The following ZMYND8 variants were observed in gnomAD, a reference collection of about 807,000 sequenced individuals.
ZMYND8 encodes the protein zinc finger MYND-type containing 8.
ZMYND8 carries 37 observed loss-of-function variants against 140.8 expected under a neutral mutation model. The observed-to-expected ratio is 0.26, with a 90% confidence interval of 0.20 to 0.35. The LOEUF (loss-of-function observed/expected upper bound fraction) is 0.35. ZMYND8 is among the 10% of genes least tolerant of loss of function. The pLI is 1.00. For missense variants in ZMYND8, 1,068 were observed against 1,570.0 expected, an observed-to-expected ratio of 0.68 and a Z score of 5.40; for synonymous variants, 592 against 597.1, an observed-to-expected ratio of 0.99 and a Z score of 0.12.
intron 3 of ZMYND8, among the ~76,000 whole-genome samples, chr20:47,306,706 G>A (rs1483595403): frequency 6.6e-6 from 1 of 151,934 alleles, no homozygotes; most frequent in African/African-American, 2.4e-5. Context: ...AAGTAGCTGG[G>A]ATTACAGTCC....
chr20:47,282,771 T>G (rs902627853), intron 9 of ZMYND8, among the ~76,000 whole-genome samples: 7 of 151,508 alleles, frequency 4.6e-5, no homozygotes, highest in African/African-American at 1.7e-4. Flanking sequence ...CAGGGTTGGA[T>G]TCTAGCTGTA....
At chr20:47,338,003 T>C (rs920525104) in intron 2 of ZMYND8, among the ~76,000 whole-genome samples, 12 of 151,928 alleles carry the variant, frequency 7.9e-5, no homozygotes, top group Non-Finnish European at 1.8e-4. Context: ...GCACCAATTA[T>C]TGTCAGAGTT....
At chr20:47,318,536 G>T (rs2079602164) in intron 2 of ZMYND8, 1 of 361,648 alleles carries the variant, frequency 2.8e-6, no homozygotes, top group African/African-American at 2.1e-5. Context: ...AAAGGTTGGG[G>T]GTGGGGAGGA....
intron 2 of ZMYND8, among the ~76,000 whole-genome samples, chr20:47,315,833 C>T (rs1056418570): frequency 2.6e-5 from 4 of 152,168 alleles, no homozygotes; most frequent in African/African-American, 9.7e-5. Flanking sequence ...GGCTCACTCA[C>T]AACCCTCTGC....
chr20:47,261,081 C>T (rs927525505), intron 12 of ZMYND8, among the ~76,000 whole-genome samples: 13 of 152,130 alleles, frequency 8.5e-5, no homozygotes, highest in Middle Eastern at 3.4e-3. Context: ...ATTAGCCAGG[C>T]GTGGTGGTGC....
Position 47,262,314 on chromosome 20 carries a change from G to C in ZMYND8, c.1595C>G (p.Thr532Ser). The C allele has an allele frequency of 6.2e-7, 1 of 1,614,110 alleles. No individual in the cohort carries two copies. ...CAGGTTAAGATTCAGGATGCTGCCG[G>C]TGGTGGAGGTTTTGTCCGTTTTCGT... The part of the protein sequence containing the change: ...ITTKTDKTST[T>S]GSILNLNLDR... The change falls in exon 12 of 23, where the codon ACC becomes AGC. Residue 532 changes from threonine to serine, a missense_variant. Physicochemically the swap from Thr to Ser is moderately conservative, Grantham distance 58. Transcript: ENST00000471951.
intron 19 of ZMYND8, among the ~76,000 whole-genome samples, chr20:47,223,068 C>A (rs1038650341): frequency 2.0e-5 from 3 of 152,236 alleles, no homozygotes; most frequent in Admixed American, 6.5e-5. Context: ...CATTTACATA[C>A]CACCTTTGCA....
At chr20:47,218,021 C>A (rs542299379) in intron 21 of ZMYND8, among the ~76,000 whole-genome samples, 3 of 152,276 alleles carry the variant, frequency 2.0e-5, no homozygotes, top group South Asian at 4.1e-4. Flanking sequence ...ACAAGGCACA[C>A]GTTTGTTTAC....
At chr20:47,258,712 C>A (rs1240130876) in intron 12 of ZMYND8, among the ~76,000 whole-genome samples, 1 of 152,108 alleles carries the variant, frequency 6.6e-6, no homozygotes, top group Non-Finnish European at 1.5e-5. Flanking sequence ...TGGGGAAAGT[C>A]GTTCCACGGC....
chr20:47,217,229 T>C (rs923918611), intron 21 of ZMYND8, among the ~76,000 whole-genome samples: 1 of 152,020 alleles, frequency 6.6e-6, no homozygotes, highest in African/African-American at 2.4e-5. Context: ...TTCCTAGAGA[T>C]CAGTGCCTTA....
intron 2 of ZMYND8, chr20:47,319,072 G>T: frequency 7.5e-7 from 1 of 1,334,130 alleles, no homozygotes; most frequent in Non-Finnish European, 9.9e-7. Flanking sequence ...CCAGGGGGAG[G>T]AGGAAGAAGC....
intron 9 of ZMYND8, among the ~76,000 whole-genome samples, chr20:47,282,723 C>CA (rs10665029): frequency 0.05 from 5,985 of 118,580 alleles, 387 homozygotes; most frequent in African/African-American, 0.16. Flanking sequence ...AACTCCATCT[C>CA]AAAAAAAAAA....
chr20:47,246,368 C>G lies in ZMYND8; in HGVS notation c.1924G>C (p.Gly642Arg). ...GATGGCTCTTTGTCCATCTGACAAC[C>G]TTCTTTGTCCTCTGTGTCTTCTGGC... Reference protein sequence around the residue: ...NEPEDTEDKEGCQMDKEPSAV... With the variant: ...NEPEDTEDKERCQMDKEPSAV... Residue 642 changes from glycine (G) to arginine (R), a missense_variant, in exon 14 of 23, where the codon GGT becomes CGT. Physicochemically the swap from Gly to Arg is moderately radical, Grantham distance 125 (BLOSUM62 -2). Transcript: ENST00000471951. The G allele has an allele frequency of 1.2e-6, 2 of 1,614,096 alleles. No homozygotes were observed. Among genetic ancestry groups the G allele is most frequent in the Middle Eastern group, 1.7e-4 (1 of 6,060 alleles).
intron 3 of ZMYND8, among the ~76,000 whole-genome samples, chr20:47,303,243 T>TATAC (rs1219684943): frequency 6.6e-6 from 1 of 152,066 alleles, no homozygotes; most frequent in Non-Finnish European, 1.5e-5. Context: ...AAAGATAAGC[T>TATAC]ATACATACCA....
At chr20:47,283,714 T>A (rs1372839302) in intron 8 of ZMYND8, 66 bp from the exon 9 acceptor site, 1 of 1,489,590 alleles carries the variant, frequency 6.7e-7, no homozygotes, top group African/African-American at 1.4e-5. Context: ...CCTCAATCAA[T>A]GCTTGATGAT....
rs1242515067 is a variant in ZMYND8, at chr20:47,246,356, C to A, written c.1936G>T (p.Asp646Tyr). The A allele has an allele frequency of 6.2e-7, 1 of 1,613,994 alleles. No homozygotes were observed. Among genetic ancestry groups the A allele is most frequent in the Admixed American group, 1.7e-5 (1 of 59,982 alleles). ...TTTTTAACAGCAGATGGCTCTTTGTCCATCTGACAACCTTCTTTGTCCTCT... is the reference window on the plus strand; with the variant it reads ...TTTTTAACAGCAGATGGCTCTTTGTACATCTGACAACCTTCTTTGTCCTCT... ...DTEDKEGCQMDKEPSAVKKKP... is the reference protein window; with the variant it reads ...DTEDKEGCQMYKEPSAVKKKP... Residue 646 changes from aspartate to tyrosine, a missense_variant, in exon 14 of 23, where the codon GAC (aspartate) becomes TAC (tyrosine). This residue lies in a region of ZMYND8 where 383 missense variants were observed against 431.2 expected (regional missense o/e 0.89). Transcript: ENST00000471951.
At chr20:47,313,128 G>A (rs951045718) in intron 2 of ZMYND8, among the ~76,000 whole-genome samples, 1 of 152,034 alleles carries the variant, frequency 6.6e-6, no homozygotes, top group South Asian at 2.1e-4. Flanking sequence ...ACTTTGAGAG[G>A]CCGAGGGGGA....
At chr20:47,213,811 AAAT>A (rs1600841367) in intron 21 of ZMYND8, among the ~76,000 whole-genome samples, 2 of 152,232 alleles carry the variant, frequency 1.3e-5, no homozygotes, top group Admixed American at 1.3e-4. Flanking sequence ...CGAAGTCAAC[AAAT>A]AATATCTAAT....
chr20:47,344,949 C>CA (rs199710064), intron 2 of ZMYND8, among the ~76,000 whole-genome samples: 68 of 150,260 alleles, frequency 4.5e-4, no homozygotes, highest in Middle Eastern at 3.4e-3. Context: ...CTCATCCCTA[C>CA]AAAAAAAAAA....
Sources: allele counts gnomAD v4.1 joint callset (sites outside exome capture counted in the v4.1 genomes callset), GRCh38; gene constraint gnomAD v4.1.1; regional missense constraint gnomAD v4.1.1; transcripts MANE v1.5; gene names NCBI Gene and HGNC (gene_info 2026-07-23, HGNC 2026-07-21).